PDZD2: variants seen among roughly 807,000 people sequenced by gnomAD.
PDZD2 encodes the protein PDZ domain-containing protein 2.
Under a neutral mutation model 220.7 loss-of-function variants are expected in PDZD2, and 90 were observed. The ratio of observed to expected loss-of-function variants is 0.41; its 90% CI spans 0.34 to 0.49. The LOEUF (loss-of-function observed/expected upper bound fraction) is 0.49. Among genes scored for constraint, PDZD2 ranks in the 20% least tolerant of loss-of-function variants. PDZD2 has a pLI of 0.28. For missense variants in PDZD2, 3,174 were observed against 3,608.5 expected (o/e 0.88, Z 3.08); for synonymous variants, 1,375 against 1,450.5 (o/e 0.95, Z 1.18).
chr5:32,004,833 TGGGGCTG>T, intron 5 of PDZD2, among the ~76,000 whole-genome samples: 1 of 152,230 alleles, frequency 6.6e-6, no homozygotes, highest in Non-Finnish European at 1.5e-5. Context: ...TGGGTCCTCG[TGGGGCTG>T]AGTAGCATTC....
intron 1 of PDZD2, among the ~76,000 whole-genome samples, chr5:31,780,725 C>T (rs1280869119): frequency 6.6e-6 from 1 of 152,118 alleles, no homozygotes; most frequent in Non-Finnish European, 1.5e-5. Context: ...CACCCCAAAC[C>T]GGCTTCAGCA....
At chr5:31,864,177 T>C (rs1737982267) in intron 2 of PDZD2, among the ~76,000 whole-genome samples, 1 of 152,204 alleles carries the variant, frequency 6.6e-6, no homozygotes, top group African/African-American at 2.4e-5. Flanking sequence ...CTTCTGACGA[T>C]GGCTGATTTC....
At chr5:32,021,292 C>T (rs952976485) in intron 6 of PDZD2, among the ~76,000 whole-genome samples, 1 of 150,676 alleles carries the variant, frequency 6.6e-6, no homozygotes, top group Non-Finnish European at 1.5e-5. Context: ...TTTGAGACAG[C>T]CTCGCTCTGT....
At position 31,868,171 on chromosome 5, in the gene PDZD2, C is replaced by T. The variant is rs183849944; in HGVS notation, c.476+68447C>T. ...GTTCTAAAAGCAGCTGTTGGCCGGG[C>T]GCGGTGGCTCATGCCTGTAATCCCA... On this transcript the variant is annotated intron_variant, in intron 2 of 24. Transcript: ENST00000438447. Among the ~76,000 whole-genome samples the T allele has an allele frequency of 3.4e-4, 52 of 152,202 alleles. 1 individual carries two copies. In the East Asian group the frequency reaches 8.5e-3, roughly 25 times the overall value.
chr5:31,665,649 C>CCA (rs1554060801), intron 1 of PDZD2, among the ~76,000 whole-genome samples: 1 of 116,788 alleles, frequency 8.6e-6, no homozygotes, highest in Non-Finnish European at 1.8e-5. Context: ...CCCCCTCCCC[C>CCA]CCCTCCCTTT....
At chr5:31,696,244 AAAC>A (rs1320445047) in intron 1 of PDZD2, among the ~76,000 whole-genome samples, 2 of 152,176 alleles carry the variant, frequency 1.3e-5, no homozygotes, top group African/African-American at 4.8e-5. Context: ...CGAATGAATG[AAAC>A]AACAAAGTCT....
At chr5:31,867,529 G>A (rs1738340521) in intron 2 of PDZD2, among the ~76,000 whole-genome samples, 1 of 152,162 alleles carries the variant, frequency 6.6e-6, no homozygotes, top group Non-Finnish European at 1.5e-5. Context: ...GCTACACGGA[G>A]ATCGGTGCTG....
At chr5:32,072,654 C>T (rs1034776051) in intron 17 of PDZD2, among the ~76,000 whole-genome samples, 2 of 152,174 alleles carry the variant, frequency 1.3e-5, no homozygotes, top group Non-Finnish European at 2.9e-5. Context: ...TTGCTTGAAC[C>T]TGGGAGACAG....
At chr5:31,839,064 C>T (rs1018497846) in intron 2 of PDZD2, among the ~76,000 whole-genome samples, 2 of 152,220 alleles carry the variant, frequency 1.3e-5, no homozygotes, top group South Asian at 2.1e-4. Flanking sequence ...GTTCTGCGTA[C>T]AGGTTGCCCT....
At position 31,851,249 on chromosome 5, in the gene PDZD2, G is replaced by A. The variant is rs143670835; in HGVS notation, c.476+51525G>A. Among the ~76,000 whole-genome samples, 721 of 152,230 alleles carry A rather than the reference G, an allele frequency of 4.7e-3. 5 individuals carry two copies. Among genetic ancestry groups the A allele is most frequent in the South Asian group, 0.011 (55 of 4,816 alleles). ...CACCCCCCACAACCCACCAGTAAGA[G>A]TCTGTCTGCTGTCAAATTCTTTATT... On this transcript the variant is annotated intron_variant, in intron 2 of 24. Coordinates refer to ENST00000438447, the MANE Select transcript of PDZD2 (RefSeq NM_178140.4).
intron 2 of PDZD2, among the ~76,000 whole-genome samples, chr5:31,917,276 A>G (rs1017684732): frequency 6.6e-6 from 1 of 152,240 alleles, no homozygotes; most frequent in Non-Finnish European, 1.5e-5. Flanking sequence ...GGATGGGTGC[A>G]GTGGCTCACG....
chr5:32,055,748 A>G (rs964194621), intron 10 of PDZD2, among the ~76,000 whole-genome samples: 2 of 152,154 alleles, frequency 1.3e-5, no homozygotes, highest in Non-Finnish European at 2.9e-5. Flanking sequence ...CCTGTATGCT[A>G]ACAATAAGAC....
At chr5:31,894,170 C>T (rs1464643184) in intron 2 of PDZD2, among the ~76,000 whole-genome samples, 2 of 150,876 alleles carry the variant, frequency 1.3e-5, no homozygotes, top group African/African-American at 4.9e-5. Context: ...ATCTCAGCCT[C>T]CCAAAGTGCT....
chr5:31,775,707 AGTC>A (rs1554073363), intron 1 of PDZD2, among the ~76,000 whole-genome samples: 4 of 92,594 alleles, frequency 4.3e-5, no homozygotes, highest in Non-Finnish European at 8.9e-5. Flanking sequence ...GTGTGTGTGT[AGTC>A]ATCTCCCACT....
intron 1 of PDZD2, among the ~76,000 whole-genome samples, chr5:31,750,009 C>T (rs971678422): frequency 2.0e-5 from 3 of 152,162 alleles, no homozygotes; most frequent in South Asian, 2.1e-4. Flanking sequence ...TCCAGGACTG[C>T]GGAATCAGGA....
At chr5:31,776,138 G>T (rs1367879990) in intron 1 of PDZD2, among the ~76,000 whole-genome samples, 1 of 152,120 alleles carries the variant, frequency 6.6e-6, no homozygotes, top group Non-Finnish European at 1.5e-5. Flanking sequence ...GTGAATAAGG[G>T]GCCTTCACTG....
chr5:31,651,393 C>G (rs1745342702), intron 1 of PDZD2, among the ~76,000 whole-genome samples: 1 of 152,170 alleles, frequency 6.6e-6, no homozygotes, highest in East Asian at 1.9e-4. Flanking sequence ...AGGTGTCACT[C>G]ATTGGTAGTA....
At chr5:31,957,457 C>T (rs1747818550) in intron 2 of PDZD2, among the ~76,000 whole-genome samples, 1 of 152,168 alleles carries the variant, frequency 6.6e-6, no homozygotes, top group Non-Finnish European at 1.5e-5. Context: ...ACTTAACACG[C>T]ATTACCGAAA....
At chr5:31,841,208 TACACACAC>T (rs10584079) in intron 2 of PDZD2, among the ~76,000 whole-genome samples, 30 of 150,990 alleles carry the variant, frequency 2.0e-4, no homozygotes, top group Non-Finnish European at 3.3e-4. Context: ...TGCACATGTG[TACACACAC>T]ACACACACAC....
Sources: gnomAD v4.1 joint callset for allele counts (sites outside exome capture counted in the v4.1 genomes callset) on GRCh38, gnomAD v4.1.1 for gene constraint, MANE v1.5 for transcripts, NCBI Gene and HGNC (gene_info 2026-07-23, HGNC 2026-07-21) for gene names.